FOXN3: variants seen among roughly 807,000 people sequenced by gnomAD.
FOXN3 encodes forkhead box N3, also known as forkhead box protein N3.
In FOXN3, 7 loss-of-function variants were observed where a neutral mutation model predicts 38.4. The observed-to-expected ratio is 0.18, with a 90% CI of 0.10 to 0.34. The LOEUF is 0.34. Among genes scored for constraint, FOXN3 ranks in the 10% least tolerant of loss-of-function variants. FOXN3 has a pLI of 1.00. For missense variants in FOXN3, 456 were observed against 613.4 expected (o/e 0.74, Z 2.71); for synonymous variants, 230 against 242.2 (o/e 0.95, Z 0.47).
chr14:89,370,377 A>T (rs1280841344), intron 2 of FOXN3, among the ~76,000 whole-genome samples: 1 of 152,246 alleles, frequency 6.6e-6, no homozygotes, highest in Non-Finnish European at 1.5e-5. Context: ...CCAGGCTTCA[A>T]ACCTGGGTCT....
intron 3 of FOXN3, among the ~76,000 whole-genome samples, chr14:89,324,942 T>C (rs1374235963): frequency 2.0e-5 from 3 of 152,176 alleles, no homozygotes; most frequent in African/African-American, 7.2e-5. Flanking sequence ...ACGCACACGT[T>C]GCACATCCTT....
Position 89,611,738 on chromosome 14 carries a change from G to A in FOXN3, c.-15+7290C>T, listed in dbSNP as rs543509494. On this transcript the variant is annotated intron_variant, in intron 1 of 6. Coordinates refer to the FOXN3 transcript ENST00000345097. ...GGAGAACGGCGTGAACCTGGGAGGC[G>A]GAGCTTGCAGTGAGCCGAGATCGTG... Among the ~76,000 whole-genome samples, 65 of 151,362 alleles carry A rather than the reference G, an allele frequency of 4.3e-4. 2 individuals are homozygous for A. The highest frequency in any genetic ancestry group is 2.9e-3 in the South Asian group (14 of 4,786).
intron 2 of FOXN3, among the ~76,000 whole-genome samples, chr14:89,373,983 G>A (rs1029959527): frequency 2.0e-5 from 3 of 152,092 alleles, no homozygotes; most frequent in Non-Finnish European, 4.4e-5. Flanking sequence ...ATGTAAACTA[G>A]GGCCAGGGGT....
At chr14:89,524,681 C>T (rs147934792) in intron 1 of FOXN3, among the ~76,000 whole-genome samples, 1 of 151,800 alleles carries the variant, frequency 6.6e-6, no homozygotes, top group East Asian at 1.9e-4. Flanking sequence ...CAACTTTATG[C>T]CAATAAATTC....
intron 5 of FOXN3, among the ~76,000 whole-genome samples, chr14:89,168,423 G>A (rs542325285): frequency 2.0e-5 from 3 of 152,238 alleles, no homozygotes; most frequent in South Asian, 2.1e-4. Context: ...TTGAGCCCAG[G>A]GGATCAAGAC....
intron 3 of FOXN3, chr14:89,291,023 T>G (rs1476994): frequency 0.92 from 420,878 of 458,636 alleles, 193,317 homozygotes; most frequent in East Asian, 0.97. Flanking sequence ...GCTCCTTGAC[T>G]CATGCTTGAA....
At chr14:89,444,523 TCA>T (rs1892454820) in intron 1 of FOXN3, among the ~76,000 whole-genome samples, 1 of 152,086 alleles carries the variant, frequency 6.6e-6, no homozygotes. Context: ...TGATTTCTAA[TCA>T]CAAGTAGGAG....
At chr14:89,288,066 A>ATAT (rs201249144) in intron 3 of FOXN3, among the ~76,000 whole-genome samples, 3 of 62,004 alleles carry the variant, frequency 4.8e-5, no homozygotes, top group Admixed American at 2.6e-4. Flanking sequence ...GTCTCAAAAA[A>ATAT]AAATATATAT....
intron 1 of FOXN3, chr14:89,494,093 G>A (rs561894864): frequency 1.3e-5 from 2 of 152,222 alleles, no homozygotes; most frequent in East Asian, 1.9e-4. Context: ...ATACACATCT[G>A]AATCCAGAGC....
intron 4 of FOXN3, among the ~76,000 whole-genome samples, chr14:89,214,157 A>T (rs1458440180): frequency 1.1e-5 from 1 of 88,014 alleles, no homozygotes; most frequent in African/African-American, 5.1e-5. Flanking sequence ...CCTACCAACC[A>T]GTCTGGGCAG....
intron 1 of FOXN3, among the ~76,000 whole-genome samples, chr14:89,601,992 T>C (rs1436859568): frequency 6.6e-6 from 1 of 152,186 alleles, no homozygotes; most frequent in Non-Finnish European, 1.5e-5. Flanking sequence ...GTCCCATGGA[T>C]ATTCTACTAT....
intron 5 of FOXN3, among the ~76,000 whole-genome samples, chr14:89,172,198 C>A (rs1038547611): frequency 6.6e-6 from 1 of 152,174 alleles, no homozygotes; most frequent in African/African-American, 2.4e-5. Context: ...ATGAGAGGCA[C>A]TGTAAGATTT....
At chr14:89,260,377 AC>A (rs1885759990) in intron 4 of FOXN3, among the ~76,000 whole-genome samples, 1 of 152,254 alleles carries the variant, frequency 6.6e-6, no homozygotes, top group Admixed American at 6.5e-5. Context: ...GAGCCCGACC[AC>A]TGCGGCAGCC....
At chr14:89,385,659 T>C (rs1890772707) in intron 2 of FOXN3, among the ~76,000 whole-genome samples, 1 of 151,874 alleles carries the variant, frequency 6.6e-6, no homozygotes, top group South Asian at 2.1e-4. Context: ...AATACAAAAT[T>C]AGCCAGGCAT....
In FOXN3 at chr14:89,163,099, G is replaced by A. The variant is rs774019653; in HGVS notation, c.852-130C>T. Reference sequence around the variant, plus strand: ...CCCTTTGTGTTCAATGGAGCCACTCGCAAACTGTGGGGGCAACAGGTGGAT... The same window carrying A: ...CCCTTTGTGTTCAATGGAGCCACTCACAAACTGTGGGGGCAACAGGTGGAT... On this transcript the variant is annotated intron_variant, in intron 5 of 5. Transcript: ENST00000557258. The surrounding 1 kb of genome is among the most constrained non-coding windows in gnomAD (Gnocchi z 4.3). The A allele has an allele frequency of 4.2e-5, 34 of 815,554 alleles. No individual in the cohort carries two copies. The highest frequency in any genetic ancestry group is 8.6e-5 in the African/African-American group (5 of 57,978). The allele number at this position is 815,554 out of a possible 1,614,324, so 50.5% of individuals were successfully genotyped here.
intron 2 of FOXN3, among the ~76,000 whole-genome samples, chr14:89,410,420 G>A (rs1379771235): frequency 1.3e-5 from 2 of 152,084 alleles, no homozygotes; most frequent in East Asian, 3.9e-4. Context: ...CACACAAAGC[G>A]GGAAAACACA....
At position 89,290,616 on chromosome 14, in the gene FOXN3, G is replaced by A. The variant is rs957807174; in HGVS notation, c.681-9602C>T. ...GTCATTCCTGTCTTCTTGGTACTCT[G>A]CTCTCCATTTACTTCCTTCCAACTT... On this transcript the variant is annotated intron_variant, in intron 3 of 5. Transcript: ENST00000557258. 6 of 519,344 alleles carry A rather than the reference G, an allele frequency of 1.2e-5. No homozygotes were observed. The African/African-American group carries it at 1.2e-4, about 10-fold the overall frequency. 32.2% of individuals were successfully genotyped at this position (519,344 alleles called of 1,614,324 possible). A position where few individuals can be genotyped will look rare whatever the true frequency, so the allele number is the denominator to read the frequency against.
In FOXN3 at chr14:89,249,684, C is replaced by T. The variant is rs753910405; in HGVS notation, c.745+31266G>A. 4.6e-5 allele frequency among the ~76,000 whole-genome samples: 7 copies of T among 152,202 alleles called. 1 individual carries two copies. The highest frequency in any genetic ancestry group is 4.1e-4 in the South Asian group (2 of 4,828). On this transcript the variant is annotated intron_variant, in intron 4 of 5. Transcript: ENST00000557258. ...GAAGGTCTCATAGTCCCTGCTCATT[C>T]GGGAGAAAGAAACACAAATCCAACG... is the stretch of plus-strand genomic sequence containing the variant.
chr14:89,511,124 CTT>C (rs1373231500), intron 1 of FOXN3, among the ~76,000 whole-genome samples: 2,796 of 42,048 alleles, frequency 0.066, 479 homozygotes, highest in Admixed American at 0.13. Flanking sequence ...TGCTTGGTGT[CTT>C]TCTTTCTTTC....
Sources: allele counts gnomAD v4.1 joint callset (sites outside exome capture counted in the v4.1 genomes callset), GRCh38; gene constraint gnomAD v4.1.1; non-coding constraint Gnocchi (gnomAD v3.1); transcripts MANE v1.5; gene names NCBI Gene and HGNC (gene_info 2026-07-23, HGNC 2026-07-21).